Variants in WDR70 observed in about 807,000 individuals in gnomAD.
WDR70 encodes WD repeat-containing protein 70.
WDR70 carries 53 observed loss-of-function variants against 88.6 expected under a neutral mutation model. The ratio of observed to expected loss-of-function variants is 0.60; its 90% CI spans 0.48 to 0.75. The LOEUF is 0.75. WDR70 is among the 30% of genes least tolerant of loss of function. WDR70 has a pLI of 0.00. For missense variants in WDR70, 610 were observed against 823.2 expected (o/e 0.74, Z 3.17); for synonymous variants, 280 against 270.0 (o/e 1.04, Z -0.36).
chr5:37,613,794 CATT>C (rs1744254383), intron 10 of WDR70, among the ~76,000 whole-genome samples: 1 of 151,994 alleles, frequency 6.6e-6, no homozygotes, highest in African/African-American at 2.4e-5. Context: ...TAAATGCTGT[CATT>C]ATTGTTTTAC....
intron 5 of WDR70, among the ~76,000 whole-genome samples, chr5:37,407,897 T>G (rs999598425): frequency 6.6e-6 from 1 of 152,148 alleles, no homozygotes; most frequent in African/African-American, 2.4e-5. Context: ...GCCTGTGGAA[T>G]TGAGTGTGGA....
chr5:37,649,697 CTG>C (rs1745338833), intron 10 of WDR70, among the ~76,000 whole-genome samples: 2 of 145,738 alleles, frequency 1.4e-5, no homozygotes, highest in South Asian at 4.5e-4. Context: ...ACTTTGTAAA[CTG>C]TGAAGCTCAT....
chr5:37,708,028 A>G (rs1455214726), intron 13 of WDR70, among the ~76,000 whole-genome samples: 1 of 132,838 alleles, frequency 7.5e-6, no homozygotes, highest in South Asian at 2.7e-4. Context: ...CATAAGAAAT[A>G]TGATAGTAAA....
At chr5:37,444,336 C>CTTTTT (rs70978817) in intron 7 of WDR70, among the ~76,000 whole-genome samples, 5,775 of 94,016 alleles carry the variant, frequency 0.061, 563 homozygotes, top group African/African-American at 0.11. Context: ...CAGCCTTTCT[C>CTTTTT]TTTTTTTTTT....
chr5:37,659,944 C>G (rs1745658701), intron 10 of WDR70, among the ~76,000 whole-genome samples: 2 of 152,074 alleles, frequency 1.3e-5, no homozygotes, highest in African/African-American at 4.8e-5. Flanking sequence ...ATAACACCTT[C>G]CAAAAGTTTG....
intron 13 of WDR70, among the ~76,000 whole-genome samples, chr5:37,706,898 C>T (rs1393522699): frequency 6.6e-6 from 1 of 151,772 alleles, no homozygotes; most frequent in African/African-American, 2.4e-5. Context: ...TTTTGTAAGA[C>T]AGCAGTTTAT....
At chr5:37,487,914 G>T (rs967216040) in intron 8 of WDR70, among the ~76,000 whole-genome samples, 1 of 151,852 alleles carries the variant, frequency 6.6e-6, no homozygotes, top group Admixed American at 6.6e-5. Flanking sequence ...ATGAGCCACC[G>T]CATCCAGCCC....
chr5:37,383,305 G>T (rs1425744950), intron 3 of WDR70, among the ~76,000 whole-genome samples: 2 of 152,106 alleles, frequency 1.3e-5, no homozygotes, highest in African/African-American at 4.8e-5. Flanking sequence ...TGTCGCCCAG[G>T]CTGGAGTGCA....
At chr5:37,570,551 C>T (rs1490708323) in intron 9 of WDR70, among the ~76,000 whole-genome samples, 1 of 151,962 alleles carries the variant, frequency 6.6e-6, no homozygotes, top group East Asian at 1.9e-4. Context: ...AGACTGAATC[C>T]TGAGGAAATG....
intron 13 of WDR70, among the ~76,000 whole-genome samples, chr5:37,706,551 C>T (rs4451075): frequency 9.2e-4 from 140 of 152,120 alleles, no homozygotes; most frequent in Middle Eastern, 3.4e-3. Flanking sequence ...TGCACCTGCT[C>T]TCTTGCCTGC....
intron 17 of WDR70, among the ~76,000 whole-genome samples, chr5:37,736,844 A>G (rs1748320027): frequency 6.6e-6 from 1 of 152,074 alleles, no homozygotes; most frequent in African/African-American, 2.4e-5. Flanking sequence ...TTATGAAAAC[A>G]AGCAACAAAT....
chr5:37,688,829 G>C (rs1368959200), intron 10 of WDR70, among the ~76,000 whole-genome samples: 1 of 149,932 alleles, frequency 6.7e-6, no homozygotes, highest in Non-Finnish European at 1.5e-5. Flanking sequence ...CATTGGGACT[G>C]GTTGGACAGT....
intron 7 of WDR70, among the ~76,000 whole-genome samples, chr5:37,475,618 A>C (rs1262749962): frequency 6.6e-6 from 1 of 152,158 alleles, no homozygotes; most frequent in Non-Finnish European, 1.5e-5. Flanking sequence ...TTTGTGAAAT[A>C]TGTTTTTACA....
At chr5:37,501,172 G>A (rs186887944) in intron 8 of WDR70, among the ~76,000 whole-genome samples, 1 of 151,966 alleles carries the variant, frequency 6.6e-6, no homozygotes, top group East Asian at 1.9e-4. Flanking sequence ...TTTGTTGGGC[G>A]CATAGTTTGC....
intron 5 of WDR70, among the ~76,000 whole-genome samples, chr5:37,414,021 T>A (rs1467597941): frequency 6.6e-6 from 1 of 151,410 alleles, no homozygotes; most frequent in Non-Finnish European, 1.5e-5. Context: ...AGTGCATGCT[T>A]GTAATCCCAG....
At chr5:37,408,359 A>AG (rs1749419074) in intron 5 of WDR70, among the ~76,000 whole-genome samples, 2 of 152,124 alleles carry the variant, frequency 1.3e-5, no homozygotes, top group African/African-American at 4.8e-5. Flanking sequence ...CTGTAATCCC[A>AG]GCTACTCAGG....
At chr5:37,491,931 T>C (rs1180128416) in intron 8 of WDR70, among the ~76,000 whole-genome samples, 1 of 152,204 alleles carries the variant, frequency 6.6e-6, no homozygotes, top group Non-Finnish European at 1.5e-5. Context: ...TTAACATTGG[T>C]TTCTGCGCTT....
chr5:37,719,907 A>G (rs1486744044), intron 13 of WDR70, among the ~76,000 whole-genome samples: 2 of 150,708 alleles, frequency 1.3e-5, no homozygotes, highest in Non-Finnish European at 1.5e-5. Flanking sequence ...CAGTGGCACA[A>G]TCATAGCTCA....
At chr5:37,432,334 C>G (rs1750330886) in intron 5 of WDR70, among the ~76,000 whole-genome samples, 1 of 152,042 alleles carries the variant, frequency 6.6e-6, no homozygotes, top group Admixed American at 6.5e-5. Flanking sequence ...TTTTCATGTG[C>G]TTATTGGCCA....
Sources: gnomAD v4.1 joint callset for allele counts (sites outside exome capture counted in the v4.1 genomes callset) on GRCh38, gnomAD v4.1.1 for gene constraint, MANE v1.5 for transcripts, NCBI Gene and HGNC (gene_info 2026-07-23, HGNC 2026-07-21) for gene names.